The following MX2 variants were observed in gnomAD, a reference collection of about 807,000 sequenced individuals.
MX2 encodes the protein interferon-induced GTP-binding protein Mx2.
A neutral mutation model predicts 74.0 loss-of-function variants in MX2; 51 were observed. That is an observed-to-expected ratio of 0.69 (90% confidence interval 0.55 to 0.87). MX2 has a LOEUF of 0.87. Among genes scored for constraint, MX2 ranks in the 40% least tolerant of loss-of-function variants. The probability of loss-of-function intolerance (pLI) is 0.00; values close to 1 mark genes in which losing one functional copy is unlikely to be tolerated. For missense variants in MX2, 832 were observed against 908.7 expected (o/e 0.92, Z 1.09); for synonymous variants, 369 against 339.3 (o/e 1.09, Z -0.96).
At chr21:41,405,038 G>A (rs529715346) in intron 12 of MX2, among the ~76,000 whole-genome samples, 1 of 152,202 alleles carries the variant, frequency 6.6e-6, no homozygotes, top group African/African-American at 2.4e-5. Flanking sequence ...GCCAGGTGTG[G>A]TGGCTCACGC....
chr21:41,371,389 T>C (rs1334317602), intron 1 of MX2, among the ~76,000 whole-genome samples: 1 of 152,172 alleles, frequency 6.6e-6, no homozygotes, highest in Non-Finnish European at 1.5e-5. Flanking sequence ...TGGCATTTGC[T>C]AGGAGGACCT....
At position 41,408,197 on chromosome 21, in the gene MX2, C is replaced by T. The variant is rs780317091; in HGVS notation, c.2112C>T (p.His704=). The change falls in exon 14 of 14, where the codon CAC becomes CAT. Residue 704 remains histidine, a synonymous_variant. Transcript: ENST00000330714. ...TTTACCGGCTCACTCAGGCGCGACA[C>T]GCACTCTGTCAATTCTCCAGCAAAG... ...ERIYRLTQAR[H]ALCQFSSKEI... The T allele has an allele frequency of 1.4e-5, 22 of 1,614,188 alleles. No individual in the cohort carries two copies. Among genetic ancestry groups the T allele is most frequent in the East Asian group, 8.9e-5 (4 of 44,886 alleles).
At chr21:41,392,962 C>T (rs946041119) in intron 6 of MX2, among the ~76,000 whole-genome samples, 14 of 151,554 alleles carry the variant, frequency 9.2e-5, no homozygotes, top group Admixed American at 2.6e-4. Flanking sequence ...AAAAATTAGC[C>T]GGGTGTGGTG....
chr21:41,363,196 C>G lies in MX2; in HGVS notation c.-72+1141C>G, dbSNP rs1002616183. Reference sequence around the variant, plus strand: ...TTTACTCTGCTCTACTTCCCAGCCCCGCGCCAACCCCTGAAGCACTTTTGA... The same window carrying G: ...TTTACTCTGCTCTACTTCCCAGCCCGGCGCCAACCCCTGAAGCACTTTTGA... On this transcript the variant is annotated intron_variant, in intron 1 of 13. Transcript: ENST00000330714. This position sits in a 1 kb window ranked among gnomAD's most constrained non-coding sequence, Gnocchi z 4.2. The G allele has an allele frequency of 1.3e-5, 2 of 152,244 alleles. No individual in the cohort carries two copies. The highest frequency in any genetic ancestry group is 2.4e-5 in the African/African-American group (1 of 41,392). 9.4% of individuals were successfully genotyped at this position (152,244 alleles called of 1,614,324 possible). A position where few individuals can be genotyped will look rare whatever the true frequency, so the allele number is the denominator to read the frequency against.
At chr21:41,396,751 AG>A (rs886687630) in intron 7 of MX2, among the ~76,000 whole-genome samples, 1 of 152,152 alleles carries the variant, frequency 6.6e-6, no homozygotes, top group African/African-American at 2.4e-5. Context: ...ATAGCACTGG[AG>A]GACATGAGGA....
intron 11 of MX2, 107 bp from the exon 12 acceptor site, chr21:41,403,160 G>C: frequency 4.6e-6 from 4 of 867,334 alleles, no homozygotes. Flanking sequence ...TCCTGGAATG[G>C]GTCAGTGTAT....
rs1017902618 is a variant in MX2 at position 41,380,206 on chromosome 21, C to T, written c.577+55C>T. The T allele has an allele frequency of 1.1e-5, 18 of 1,607,708 alleles. No homozygotes were observed. Among genetic ancestry groups the T allele is most frequent in the African/African-American group, 2.7e-5 (2 of 74,772 alleles). On this transcript the variant is annotated intron_variant, in intron 4 of 13. Transcript: ENST00000330714. The surrounding 1 kb of genome is among the most constrained non-coding windows in gnomAD (Gnocchi z 4.3). ...CTGGCAGCCGCTCCTCTCACTTCCTCGGTTCCTTCTCCTCTTCCTCAAGTC... is the reference window on the plus strand; with the variant it reads ...CTGGCAGCCGCTCCTCTCACTTCCTTGGTTCCTTCTCCTCTTCCTCAAGTC...
At chr21:41,362,720 A>G (rs57226839) in intron 1 of MX2, among the ~76,000 whole-genome samples, 2,470 of 143,534 alleles carry the variant, frequency 0.017, 68 homozygotes, top group African/African-American at 0.06. Context: ...GAAAGGAGAC[A>G]TGGTGGTATT....
rs1163363158 is a variant in MX2, at chr21:41,401,686, T to TC, written c.1415-284_1415-283insC. On this transcript the variant is annotated intron_variant, in intron 10 of 13. Coordinates refer to ENST00000330714, the MANE Select transcript of MX2 (RefSeq NM_002463.2). Reference sequence around the variant, plus strand: ...CCACCACACCTAGTTTCTAATCAGGTTTTTTTTTTTTTCCTACCAGTTAGA... The same window carrying TC: ...CCACCACACCTAGTTTCTAATCAGGTCTTTTTTTTTTTTCCTACCAGTTAGA... 3 of 72,546 alleles carry TC rather than the reference T, an allele frequency of 4.1e-5. No homozygotes were observed. The South Asian group carries it at 5.1e-4, about 12-fold the overall frequency. The allele number at this position is 72,546 out of a possible 1,614,324, so 4.5% of individuals were successfully genotyped here.
chr21:41,400,286 AGC>A (rs2089794442), intron 10 of MX2, among the ~76,000 whole-genome samples: 1 of 152,204 alleles, frequency 6.6e-6, no homozygotes, highest in Admixed American at 6.5e-5. Context: ...ATCTGGTTTT[AGC>A]AATAAGTAAA....
At chr21:41,397,968 G>A (rs909094668) in intron 8 of MX2, among the ~76,000 whole-genome samples, 1 of 152,212 alleles carries the variant, frequency 6.6e-6, no homozygotes, top group African/African-American at 2.4e-5. Context: ...TGACCACTGA[G>A]AGAGCAAGTT....
intron 7 of MX2, among the ~76,000 whole-genome samples, chr21:41,397,004 G>A (rs2089744922): frequency 6.6e-6 from 1 of 152,186 alleles, no homozygotes; most frequent in Admixed American, 6.5e-5. Flanking sequence ...CAAGGTCTTT[G>A]GGAAATCTGA....
chr21:41,396,791 G>A (rs1416785813), intron 7 of MX2, among the ~76,000 whole-genome samples: 3 of 152,194 alleles, frequency 2.0e-5, no homozygotes, highest in African/African-American at 7.2e-5. Flanking sequence ...TGAGCTGGGA[G>A]AAGATTTCAA....
intron 5 of MX2, among the ~76,000 whole-genome samples, chr21:41,387,184 C>T (rs9305741): frequency 0.09 from 13,678 of 152,252 alleles, 799 homozygotes; most frequent in South Asian, 0.21. Context: ...TGGTCATGTG[C>T]ACCCTGTGTT....
chr21:41,377,409 C>G (rs2089420983), intron 2 of MX2, among the ~76,000 whole-genome samples: 1 of 152,186 alleles, frequency 6.6e-6, no homozygotes. Context: ...CTTTCAGCCT[C>G]CCCTGCAGCC....
chr21:41,394,219 C>T (rs2089701873), intron 6 of MX2, among the ~76,000 whole-genome samples: 1 of 152,288 alleles, frequency 6.6e-6, no homozygotes, highest in South Asian at 2.1e-4. Flanking sequence ...CCCCGGACTC[C>T]TTTATCTAGA....
chr21:41,390,585 G>T lies in MX2; in HGVS notation c.753G>T (p.Lys251Asn), dbSNP rs753740395. 31 of 1,614,086 alleles carry T rather than the reference G, an allele frequency of 1.9e-5. No homozygotes were observed. The highest frequency in any genetic ancestry group is 2.6e-5 in the Non-Finnish European group (31 of 1,180,036). Residue 251 changes from lysine (K) to asparagine (N), a missense_variant, in exon 6 of 14, where the codon AAG becomes AAT. Physicochemically the swap from Lys to Asn is moderately conservative, Grantham distance 94. Transcript: ENST00000330714. ...ATCAGATCAAGGCTCTCATCAAGAAGTACATCCAGAGGCAGCAGACGATCA... is the reference window on the plus strand; with the variant it reads ...ATCAGATCAAGGCTCTCATCAAGAATTACATCCAGAGGCAGCAGACGATCA... ...IGLQIKALIK[K>N]YIQRQQTINL...
rs1321735601 is a variant in MX2, at chr21:41,406,860, G to A, written c.1767G>A (p.Leu589=). ...FCQDQIYSVV[L]KKVREEIFNP... ...AAGATCAGATTTACAGTGTTGTTCT[G>A]AAGAAAGTCCGAGAAGAGATTTTTA... Residue 589 remains leucine (L), a synonymous_variant, in exon 13 of 14, where the codon CTG becomes CTA. Coordinates refer to ENST00000330714, the MANE Select transcript of MX2 (RefSeq NM_002463.2). 1 of 1,614,230 alleles carries A rather than the reference G, an allele frequency of 6.2e-7. No individual in the cohort carries two copies. The highest frequency in any genetic ancestry group is 1.3e-5 in the African/African-American group (1 of 75,062).
At chr21:41,371,946 T>G (rs760344361) in intron 1 of MX2, among the ~76,000 whole-genome samples, 5 of 152,108 alleles carry the variant, frequency 3.3e-5, no homozygotes, top group Non-Finnish European at 7.4e-5. Flanking sequence ...TTTTTTATAG[T>G]TAGGGAATTT....
Sources: allele counts gnomAD v4.1 joint callset (sites outside exome capture counted in the v4.1 genomes callset), GRCh38; gene constraint gnomAD v4.1.1; non-coding constraint Gnocchi (gnomAD v3.1); transcripts MANE v1.5; gene names NCBI Gene and HGNC (gene_info 2026-07-23, HGNC 2026-07-21).